The following CIT variants were observed in gnomAD, a reference collection of about 807,000 sequenced individuals.
CIT encodes the protein citron rho-interacting serine/threonine kinase.
In CIT, 79 loss-of-function variants were observed where a neutral mutation model predicts 272.7. The ratio of observed to expected loss-of-function variants is 0.29; its 90% CI spans 0.24 to 0.35. The LOEUF (loss-of-function observed/expected upper bound fraction) is 0.35, where lower values mean the gene tolerates loss of function less well. Among genes scored for constraint, CIT ranks in the 10% least tolerant of loss-of-function variants. The probability of loss-of-function intolerance (pLI) is 1.00; values close to 1 mark genes in which losing one functional copy is unlikely to be tolerated. For synonymous variants in CIT, 948 were observed against 995.6 expected, an observed-to-expected ratio of 0.95 and a Z score of 0.90; for missense variants, 1,909 against 2,618.3, an observed-to-expected ratio of 0.73 and a Z score of 5.91.
chr12:119,740,848 G>C (rs941030732), intron 24 of CIT, among the ~76,000 whole-genome samples: 1 of 152,120 alleles, frequency 6.6e-6, no homozygotes, highest in Non-Finnish European at 1.5e-5. Context: ...GAAGGGAGGA[G>C]GGATGGAGGA....
chr12:119,690,409 G>A lies in CIT; in HGVS notation c.5928C>T (p.Thr1976=), dbSNP rs201980409. The change falls in exon 47 of 48, where the codon ACC becomes ACT. Residue 1976 remains threonine, a synonymous_variant. Transcript: ENST00000392521. This position sits in a 1 kb window ranked among gnomAD's most constrained non-coding sequence, Gnocchi z 6.0. The stretch of plus-strand genomic sequence containing the variant: ...GCGCTGGGCTGGAGGCCACGCGCTT[G>A]GTGATGTGCTCGTTGTACGTGGGTG... ...RGPPTYNEHI[T]KRVASSPAPP... The A allele has an allele frequency of 3.1e-6, 5 of 1,596,672 alleles. No individual in the cohort carries two copies. The highest frequency in any genetic ancestry group is 3.4e-5 in the Admixed American group (2 of 58,752).
At chr12:119,708,452 T>C in intron 39 of CIT, 134 bp from the exon 40 acceptor site, 1 of 860,226 alleles carries the variant, frequency 1.2e-6, no homozygotes, top group Non-Finnish European at 1.6e-6. Flanking sequence ...CACAAATCCA[T>C]ATAAACACAT....
intron 40 of CIT, among the ~76,000 whole-genome samples, chr12:119,707,361 T>G (rs1956933448): frequency 6.6e-6 from 1 of 152,176 alleles, no homozygotes; most frequent in Admixed American, 6.5e-5. Flanking sequence ...TTAACCTAGT[T>G]TGAGGATGTA....
Position 119,822,836 on chromosome 12 carries a change from C to G in CIT, c.1095G>C (p.Trp365Cys). ...CCHPFFSKIDWNNIRNSPPPF... is the reference protein window; with the variant it reads ...CCHPFFSKIDCNNIRNSPPPF... The stretch of plus-strand genomic sequence containing the variant: ...CCTACTTACAGTTACGAATGTTGTT[C>G]CAGTCAATTTTAGAGAAGAAAGGAT... Residue 365 changes from tryptophan (W) to cysteine (C), a missense_variant, in exon 9 of 48, where the codon TGG becomes TGC. This residue lies in a region of CIT where 529 missense variants were observed against 549.6 expected (regional missense o/e 0.96). Transcript: ENST00000392521. The G allele has an allele frequency of 1.2e-6, 2 of 1,613,990 alleles. No individual in the cohort carries two copies. The highest frequency in any genetic ancestry group is 1.7e-6 in the Non-Finnish European group (2 of 1,179,978).
At chr12:119,798,625 T>TA (rs2137835953) in intron 10 of CIT, among the ~76,000 whole-genome samples, 1 of 152,266 alleles carries the variant, frequency 6.6e-6, no homozygotes. Flanking sequence ...ACTGTCTTTT[T>TA]AAAAAACCAA....
chr12:119,733,543 A>C (rs1319923326), intron 26 of CIT, among the ~76,000 whole-genome samples: 10 of 144,402 alleles, frequency 6.9e-5, no homozygotes, highest in African/African-American at 1.0e-4. Flanking sequence ...AAAAAAAAAA[A>C]CAAAAAAAAC....
At chr12:119,702,070 C>T in intron 41 of CIT, 112 bp from the exon 42 acceptor site, 1 of 762,622 alleles carries the variant, frequency 1.3e-6, no homozygotes, top group African/African-American at 1.7e-5. Flanking sequence ...AGAACATTGT[C>T]ACCAAGCTTG....
chr12:119,799,470 C>T (rs1305557887), intron 10 of CIT, among the ~76,000 whole-genome samples: 1 of 152,154 alleles, frequency 6.6e-6, no homozygotes, highest in Admixed American at 6.5e-5. Flanking sequence ...GAAGCAATGG[C>T]AACAGCCACT....
chr12:119,821,312 AT>A (rs991545248), intron 9 of CIT, among the ~76,000 whole-genome samples: 8 of 152,136 alleles, frequency 5.3e-5, no homozygotes, highest in Non-Finnish European at 1.2e-4. Context: ...AAAAAAAAGA[AT>A]TTTTTAAAGC....
intron 23 of CIT, among the ~76,000 whole-genome samples, chr12:119,744,559 A>G (rs984388192): frequency 3.3e-5 from 5 of 151,994 alleles, no homozygotes; most frequent in East Asian, 1.9e-4. Flanking sequence ...ACTAAAAAAT[A>G]CAAAAAATTA....
chr12:119,765,047 G>A (rs1962251852), intron 19 of CIT, among the ~76,000 whole-genome samples: 2 of 151,718 alleles, frequency 1.3e-5, no homozygotes, highest in African/African-American at 4.8e-5. Flanking sequence ...GACCTCAGGT[G>A]ATCCACCCGC....
rs1961935366 is a variant in CIT, at chr12:119,762,561, T to A, written c.2305-1506A>T. ...GATCTATAAAACAAATTTCTTTCCATCTAGAAGTTAGCAGAGACCACATAA... is the reference window on the plus strand; with the variant it reads ...GATCTATAAAACAAATTTCTTTCCAACTAGAAGTTAGCAGAGACCACATAA... On this transcript the variant is annotated intron_variant, in intron 19 of 47. Coordinates refer to ENST00000392521, the MANE Select transcript of CIT (RefSeq NM_001206999.2). Among the ~76,000 whole-genome samples the A allele has an allele frequency of 2.0e-5, 3 of 152,308 alleles. No homozygotes were observed. The South Asian group carries it at 6.2e-4, about 32-fold the overall frequency.
At chr12:119,772,729 G>A in intron 17 of CIT, 41 bp downstream of exon 17, 2 of 1,571,022 alleles carry the variant, frequency 1.3e-6, no homozygotes, top group East Asian at 2.3e-5. Flanking sequence ...ACAGCCAAAG[G>A]CCGAGGCCGC....
rs1261581887 is a variant in CIT at position 119,690,087 on chromosome 12, C to T, written c.6186+64G>A. 8 of 1,393,438 alleles carry T rather than the reference C, an allele frequency of 5.7e-6. No individual in the cohort carries two copies. The Admixed American group carries it at 2.5e-4, about 43-fold the overall frequency. 86.3% of individuals were successfully genotyped at this position (1,393,438 alleles called of 1,614,324 possible). ...TAAACAACAGTGGCCCCGTGGGGGCCTCAGTTCCCCAAGTCACTCCTGGCC... is the reference window on the plus strand; with the variant it reads ...TAAACAACAGTGGCCCCGTGGGGGCTTCAGTTCCCCAAGTCACTCCTGGCC... On this transcript the variant is annotated intron_variant, in intron 47 of 47. Transcript: ENST00000392521. The surrounding 1 kb of genome is among the most constrained non-coding windows in gnomAD (Gnocchi z 6.0).
chr12:119,867,193 CT>C lies in CIT; in HGVS notation c.238+1866del, dbSNP rs111573740. The stretch of plus-strand genomic sequence containing the variant: ...ACACACACAAGAGGTAATACAATAA[CT>C]TTTTTTTTTTTTTAAGACAGAGTCT... On this transcript the variant is annotated intron_variant, in intron 3 of 47. Coordinates refer to ENST00000392521, the MANE Select transcript of CIT (RefSeq NM_001206999.2). Among the ~76,000 whole-genome samples the C allele has an allele frequency of 3.9e-3, 569 of 145,520 alleles. 1 individual carries two copies. The highest frequency in any genetic ancestry group is 7.5e-3 in the African/African-American group (302 of 40,026).
At chr12:119,688,388 G>A in intron 47 of CIT, 133 bp from the exon 48 acceptor site, 1 of 845,584 alleles carries the variant, frequency 1.2e-6, no homozygotes, top group Non-Finnish European at 2.0e-6. Flanking sequence ...GCTTGGCAGG[G>A]CAGCACCCGC....
At chr12:119,738,586 T>TA (rs34667302) in intron 24 of CIT, among the ~76,000 whole-genome samples, 12 of 151,068 alleles carry the variant, frequency 7.9e-5, no homozygotes, top group East Asian at 1.9e-4. Context: ...CAGAAGATAT[T>TA]AAAAAAAAAG....
intron 9 of CIT, among the ~76,000 whole-genome samples, chr12:119,818,064 T>C (rs1324942243): frequency 6.6e-6 from 1 of 152,338 alleles, no homozygotes. Flanking sequence ...ATATATAGTA[T>C]TGTAGAAAGA....
chr12:119,852,208 A>C (rs1408489436), intron 4 of CIT, among the ~76,000 whole-genome samples: 1 of 152,200 alleles, frequency 6.6e-6, no homozygotes, highest in East Asian at 1.9e-4. Context: ...CTTGTCTGAG[A>C]TATTCCGGCC....
Sources: gnomAD v4.1 joint callset for allele counts (sites outside exome capture counted in the v4.1 genomes callset) on GRCh38, gnomAD v4.1.1 for gene constraint, gnomAD v4.1.1 regional missense constraint, Gnocchi (gnomAD v3.1) non-coding constraint, MANE v1.5 for transcripts, NCBI Gene and HGNC (gene_info 2026-07-23, HGNC 2026-07-21) for gene names.